Variants in SMOC2 observed in about 807,000 individuals in gnomAD.
The protein encoded by SMOC2 is SPARC related modular calcium binding 2, also known as SPARC-related modular calcium-binding protein 2.
SMOC2 carries 39 observed loss-of-function variants against 61.4 expected under a neutral mutation model. That is an observed-to-expected ratio of 0.64 (90% confidence interval 0.49 to 0.83). The LOEUF (loss-of-function observed/expected upper bound fraction) is 0.83. Among genes scored for constraint, SMOC2 ranks in the 40% least tolerant of loss-of-function variants. The probability of loss-of-function intolerance (pLI) is 0.00; values close to 1 mark genes in which losing one functional copy is unlikely to be tolerated. For missense variants in SMOC2, 556 were observed against 592.9 expected (o/e 0.94, Z 0.65); for synonymous variants, 247 against 239.9 (o/e 1.03, Z -0.27).
chr6:168,648,095 C>T (rs936536581), intron 9 of SMOC2, among the ~76,000 whole-genome samples: 7 of 152,206 alleles, frequency 4.6e-5, no homozygotes, highest in African/African-American at 1.7e-4. Context: ...GGGTGTGTCC[C>T]TATTACCACA....
intron 1 of SMOC2, among the ~76,000 whole-genome samples, chr6:168,441,709 G>A (rs908667494): frequency 6.6e-6 from 1 of 152,146 alleles, no homozygotes; most frequent in South Asian, 2.1e-4. Context: ...CGGGCTCCTC[G>A]GGTTCCACCC....
At position 168,482,165 on chromosome 6, in the gene SMOC2, G is replaced by T. The variant is rs565003012; in HGVS notation, c.85-27750G>T. Among the ~76,000 whole-genome samples, 4 of 151,940 alleles carry T rather than the reference G, an allele frequency of 2.6e-5. No individual in the cohort carries two copies. In the South Asian group the frequency reaches 6.2e-4, roughly 24 times the overall value. On this transcript the variant is annotated intron_variant, in intron 1 of 12. Coordinates refer to ENST00000356284, the MANE Select transcript of SMOC2 (RefSeq NM_001166412.2). The stretch of plus-strand genomic sequence containing the variant: ...TTAGCTACATAGACTAAGAAAAAAA[G>T]AGACGTTTCAAATTACTAAAATAGA...
Position 168,480,769 on chromosome 6 carries a change from CATT to C in SMOC2, c.85-29143_85-29141del, listed in dbSNP as rs578021733. On this transcript the variant is annotated intron_variant, in intron 1 of 12. Transcript: ENST00000356284. ...GTACTCTAAGAAAGTCACACAGAGA[CATT>C]ATGACCAAACTTTCAATAGACAAAG... 4.1e-3 allele frequency among the ~76,000 whole-genome samples: 630 copies of C among 152,126 alleles called. 6 individuals carry two copies. Among genetic ancestry groups the C allele is most frequent in the African/African-American group, 0.014 (591 of 41,502 alleles).
chr6:168,512,897 C>CAAATAGAA (rs1191263825), intron 2 of SMOC2, among the ~76,000 whole-genome samples: 1 of 152,120 alleles, frequency 6.6e-6, no homozygotes, highest in African/African-American at 2.4e-5. Flanking sequence ...AACTTTAGCC[C>CAAATAGAA]AAATAGAAAA....
chr6:168,608,970 T>C (rs1785783266), intron 9 of SMOC2, among the ~76,000 whole-genome samples: 1 of 152,222 alleles, frequency 6.6e-6, no homozygotes, highest in African/African-American at 2.4e-5. Flanking sequence ...GAATTCCGGA[T>C]GAGTAAACTT....
At position 168,588,175 on chromosome 6, in the gene SMOC2, G is replaced by A. The variant is rs149786971; in HGVS notation, c.638-10643G>A. 3.6e-3 allele frequency among the ~76,000 whole-genome samples: 541 copies of A among 150,142 alleles called. 6 individuals carry two copies. Among genetic ancestry groups the A allele is most frequent in the African/African-American group, 0.013 (516 of 41,062 alleles). ...GTCTCGCTCTGTCACCCAGGCTGGA[G>A]TACAGTGGCATGATCTCGGCTCACT... is the stretch of plus-strand genomic sequence containing the variant. On this transcript the variant is annotated intron_variant, in intron 7 of 12. Coordinates refer to ENST00000356284, the MANE Select transcript of SMOC2 (RefSeq NM_001166412.2).
intron 7 of SMOC2, among the ~76,000 whole-genome samples, chr6:168,591,982 C>T (rs1474727134): frequency 6.6e-6 from 1 of 152,180 alleles, no homozygotes; most frequent in East Asian, 1.9e-4. Flanking sequence ...CCTACTCCAT[C>T]TGGAATCAAA....
chr6:168,520,353 G>A (rs1783300221), intron 2 of SMOC2, among the ~76,000 whole-genome samples: 1 of 152,164 alleles, frequency 6.6e-6, no homozygotes, highest in African/African-American at 2.4e-5. Context: ...CACTCTGAGG[G>A]CTATCATTGC....
intron 1 of SMOC2, among the ~76,000 whole-genome samples, chr6:168,455,352 G>T (rs577830252): frequency 6.6e-6 from 1 of 152,314 alleles, no homozygotes; most frequent in Admixed American, 6.5e-5. Flanking sequence ...CCCAGTCGTG[G>T]TTTTCTCTAA....
chr6:168,540,834 C>A (rs1391900540), intron 4 of SMOC2, among the ~76,000 whole-genome samples: 1 of 152,062 alleles, frequency 6.6e-6, no homozygotes, highest in African/African-American at 2.4e-5. Context: ...AAGGGGTGAG[C>A]CGCAGGCTTG....
chr6:168,441,825 G>T (rs1201120451), intron 1 of SMOC2, among the ~76,000 whole-genome samples: 1 of 152,120 alleles, frequency 6.6e-6, no homozygotes, highest in Admixed American at 6.5e-5. Flanking sequence ...CGGGTGTCCC[G>T]CACTCACTGC....
chr6:168,645,661 G>T (rs1198553643), intron 9 of SMOC2, among the ~76,000 whole-genome samples: 1 of 152,204 alleles, frequency 6.6e-6, no homozygotes, highest in Non-Finnish European at 1.5e-5. Flanking sequence ...CCTCCACGAA[G>T]TGACCCCAAG....
chr6:168,620,932 C>CGCTTTGAGAAATTCCTG (rs1786227780), intron 9 of SMOC2, among the ~76,000 whole-genome samples: 4 of 152,084 alleles, frequency 2.6e-5, no homozygotes, highest in South Asian at 2.1e-4. Context: ...CCAGATGCAT[C>CGCTTTGAGAAATTCCTG]AGCCGCGTGT....
chr6:168,496,460 T>C (rs1383806772), intron 1 of SMOC2, among the ~76,000 whole-genome samples: 2 of 152,190 alleles, frequency 1.3e-5, no homozygotes, highest in Non-Finnish European at 2.9e-5. Context: ...TAAACGTGAA[T>C]AGATTCATGT....
At chr6:168,604,174 C>T (rs867899292) in intron 8 of SMOC2, among the ~76,000 whole-genome samples, 1 of 152,220 alleles carries the variant, frequency 6.6e-6, no homozygotes, top group Non-Finnish European at 1.5e-5. Context: ...CAGATCCGGA[C>T]ATCTCATCCA....
intron 6 of SMOC2, among the ~76,000 whole-genome samples, chr6:168,548,001 C>T (rs189573349): frequency 1.6e-3 from 246 of 152,258 alleles, no homozygotes; most frequent in Non-Finnish European, 3.1e-3. Context: ...ACCTTTAATA[C>T]ATTGTCTTAG....
At chr6:168,578,187 G>A (rs1224169769) in intron 7 of SMOC2, among the ~76,000 whole-genome samples, 6 of 152,162 alleles carry the variant, frequency 3.9e-5, no homozygotes, top group East Asian at 1.9e-4. Flanking sequence ...AAGCTTGGCC[G>A]TGCCCTGCAA....
chr6:168,502,769 T>TAATTTAATTG (rs1475243141), intron 1 of SMOC2, among the ~76,000 whole-genome samples: 2 of 151,746 alleles, frequency 1.3e-5, no homozygotes, highest in African/African-American at 4.8e-5. Flanking sequence ...TAATTTAATT[T>TAATTTAATTG]AATTTATGTT....
At chr6:168,541,360 CTG>C (rs1462423768) in intron 4 of SMOC2, among the ~76,000 whole-genome samples, 1 of 152,226 alleles carries the variant, frequency 6.6e-6, no homozygotes, top group Non-Finnish European at 1.5e-5. Flanking sequence ...TCTGCAGACA[CTG>C]TGCGTATCAG....
Sources: gnomAD v4.1 joint callset for allele counts (sites outside exome capture counted in the v4.1 genomes callset) on GRCh38, gnomAD v4.1.1 for gene constraint, MANE v1.5 for transcripts, NCBI Gene and HGNC (gene_info 2026-07-23, HGNC 2026-07-21) for gene names.